Variants in PCDH15 observed in about 807,000 individuals in gnomAD.
The protein encoded by PCDH15 is protocadherin-15.
PCDH15 carries 129 observed loss-of-function variants against 178.5 expected under a neutral mutation model. The observed-to-expected ratio is 0.72, with a 90% CI of 0.63 to 0.84. The LOEUF is 0.84. Among genes scored for constraint, PCDH15 ranks in the 40% least tolerant of loss-of-function variants. The pLI, the probability that PCDH15 is intolerant of heterozygous loss-of-function variation, is 0.00. For synonymous variants in PCDH15, 800 were observed against 732.0 expected, an observed-to-expected ratio of 1.09 and a Z score of -1.50; for missense variants, 2,230 against 2,099.9, an observed-to-expected ratio of 1.06 and a Z score of -1.21.
chr10:54,180,145 C>A (rs562345389), intron 13 of PCDH15, among the ~76,000 whole-genome samples: 8 of 152,248 alleles, frequency 5.3e-5, no homozygotes, highest in African/African-American at 1.7e-4. Flanking sequence ...GCTCCGGTTA[C>A]GGAAGATGAT....
rs1461815271 is a variant in PCDH15, at chr10:53,888,699, ATAT to A, written c.3501+14541_3501+14543del. Among the ~76,000 whole-genome samples, 157 of 56,498 alleles carry A rather than the reference ATAT, an allele frequency of 2.8e-3. 37 individuals are homozygous for A. Among genetic ancestry groups the A allele is most frequent in the East Asian group, 6.3e-3 (9 of 1,422 alleles). 37.1% of individuals were successfully genotyped at this position (56,498 alleles called of 152,430 possible). On this transcript the variant is annotated intron_variant, in intron 26 of 37. Transcript: ENST00000644397. ...TATATATATATATATATATATATAT[ATAT>A]ATCTCCTGTGGAAATTGATAAGCTG...
intron 1 of PCDH15, among the ~76,000 whole-genome samples, chr10:54,791,532 T>A (rs1406447489): frequency 6.6e-6 from 1 of 151,906 alleles, no homozygotes; most frequent in Non-Finnish European, 1.5e-5. Flanking sequence ...TCTTCTAAGC[T>A]CTAAACTTGC....
At chr10:55,443,858 A>C (rs955720165) in intron 2 of PCDH15, among the ~76,000 whole-genome samples, 1 of 152,184 alleles carries the variant, frequency 6.6e-6, no homozygotes. Flanking sequence ...AGTGCTATTC[A>C]CAACAGCAAA....
chr10:54,897,440 C>T (rs549038812), intron 3 of PCDH15: 1 of 152,112 alleles, frequency 6.6e-6, no homozygotes, highest in Non-Finnish European at 1.5e-5. Context: ...TTAAATAAAA[C>T]ATAACATACC....
chr10:53,967,963 C>A (rs749944033), intron 21 of PCDH15, among the ~76,000 whole-genome samples: 1 of 152,104 alleles, frequency 6.6e-6, no homozygotes, highest in Non-Finnish European at 1.5e-5. Flanking sequence ...ATGCAGAAGA[C>A]AGGTGATTTC....
intron 8 of PCDH15, among the ~76,000 whole-genome samples, chr10:54,297,058 G>T (rs988290842): frequency 2.6e-5 from 4 of 152,122 alleles, no homozygotes; most frequent in Non-Finnish European, 4.4e-5. Flanking sequence ...CATCAGCAGG[G>T]TCCAGGGACT....
intron 2 of PCDH15, among the ~76,000 whole-genome samples, chr10:55,454,309 A>G (rs1046245432): frequency 6.6e-6 from 1 of 152,132 alleles, no homozygotes; most frequent in Non-Finnish European, 1.5e-5. Context: ...TTAACAGTTT[A>G]AACTGCTGGA....
intron 3 of PCDH15, among the ~76,000 whole-genome samples, chr10:54,380,675 C>T (rs1194339147): frequency 6.4e-3 from 183 of 28,518 alleles, no homozygotes; most frequent in African/African-American, 0.018. Flanking sequence ...ATATATGCTC[C>T]ATATATATAT....
At chr10:54,502,318 T>C (rs1279212864) in intron 3 of PCDH15, among the ~76,000 whole-genome samples, 1 of 152,122 alleles carries the variant, frequency 6.6e-6, no homozygotes. Flanking sequence ...AGTTATTAAC[T>C]ACCCTGCTTA....
At chr10:54,707,202 G>T (rs1039407220) in intron 1 of PCDH15, among the ~76,000 whole-genome samples, 1 of 152,124 alleles carries the variant, frequency 6.6e-6, no homozygotes, top group African/African-American at 2.4e-5. Flanking sequence ...CAGCCCCAAA[G>T]AAGGGTCAGA....
At chr10:54,446,172 T>C (rs2076131165) in intron 3 of PCDH15, among the ~76,000 whole-genome samples, 1 of 151,682 alleles carries the variant, frequency 6.6e-6, no homozygotes, top group African/African-American at 2.4e-5. Context: ...GTTGCAATGA[T>C]ACTTCAAAAG....
At chr10:53,878,395 T>TAC (rs1477290101) in intron 26 of PCDH15, among the ~76,000 whole-genome samples, 39 of 143,340 alleles carry the variant, frequency 2.7e-4, no homozygotes, top group African/African-American at 9.9e-4. Flanking sequence ...TCTATATATA[T>TAC]ACTATACTAT....
intron 9 of PCDH15, among the ~76,000 whole-genome samples, chr10:54,214,618 G>A (rs563839137): frequency 6.6e-6 from 1 of 152,140 alleles, no homozygotes; most frequent in Non-Finnish European, 1.5e-5. Flanking sequence ...TTGAGATAGA[G>A]CCCTGCTGTG....
chr10:55,158,525 T>C (rs1437505450), intron 2 of PCDH15, among the ~76,000 whole-genome samples: 1 of 151,998 alleles, frequency 6.6e-6, no homozygotes, highest in Non-Finnish European at 1.5e-5. Context: ...ACCACCAGTT[T>C]CTCTAGTTGT....
chr10:55,362,882 G>A lies in PCDH15; in HGVS notation c.-155-196231C>T, dbSNP rs573472890. ...AGATCACAGGTGTGTCCAATCTTTT[G>A]GCATCCCTGGGCCACACTGGAAGAA... On this transcript the variant is annotated intron_variant, in intron 2 of 5. Transcript: ENST00000613346. Among the ~76,000 whole-genome samples the A allele has an allele frequency of 2.0e-5, 3 of 152,162 alleles. No homozygotes were observed. In the South Asian group the frequency reaches 6.2e-4, roughly 32 times the overall value.
intron 32 of PCDH15, among the ~76,000 whole-genome samples, chr10:53,826,915 C>T (rs1468487013): frequency 6.6e-6 from 1 of 151,968 alleles, no homozygotes; most frequent in East Asian, 1.9e-4. Context: ...GAAAATACTA[C>T]GATTTTAAAC....
chr10:54,232,898 T>C (rs2054217116), intron 9 of PCDH15, among the ~76,000 whole-genome samples: 1 of 151,626 alleles, frequency 6.6e-6, no homozygotes, highest in South Asian at 2.1e-4. Context: ...TCTCTATTAT[T>C]TCTATTGTGT....
intron 2 of PCDH15, among the ~76,000 whole-genome samples, chr10:54,627,106 A>G (rs910226930): frequency 2.6e-5 from 4 of 152,290 alleles, no homozygotes; most frequent in East Asian, 3.9e-4. Flanking sequence ...TCTGCATTGT[A>G]TCTAGGAAGT....
intron 3 of PCDH15, among the ~76,000 whole-genome samples, chr10:54,812,273 CTTT>C (rs529215060): frequency 2.2e-5 from 3 of 134,778 alleles, no homozygotes; most frequent in Non-Finnish European, 1.6e-5. Context: ...CTTCCTCTTC[CTTT>C]TTTTTTTTTT....
Sources: allele counts gnomAD v4.1 joint callset (sites outside exome capture counted in the v4.1 genomes callset), GRCh38; gene constraint gnomAD v4.1.1; transcripts MANE v1.5; gene names NCBI Gene and HGNC (gene_info 2026-07-23, HGNC 2026-07-21).